NPHP4: variants seen among roughly 807,000 people sequenced by gnomAD.
NPHP4 encodes the protein nephrocystin 4, also known as nephrocystin-4.
NPHP4 carries 151 observed loss-of-function variants against 155.8 expected under a neutral mutation model. The ratio of observed to expected loss-of-function variants is 0.97; its 90% confidence interval spans 0.85 to 1.11. The LOEUF (loss-of-function observed/expected upper bound fraction) is 1.11, where lower values mean the gene tolerates loss of function less well. NPHP4 is among the 50% of genes least tolerant of loss of function. The pLI, the probability that NPHP4 is intolerant of heterozygous loss-of-function variation, is 0.00. For synonymous variants in NPHP4, 845 were observed against 816.8 expected, an observed-to-expected ratio of 1.03 and a Z score of -0.59; for missense variants, 1,956 against 1,925.7, an observed-to-expected ratio of 1.02 and a Z score of -0.29.
intron 10 of NPHP4, among the ~76,000 whole-genome samples, chr1:5,930,608 G>T (rs1262299501): frequency 6.6e-6 from 1 of 151,942 alleles, no homozygotes; most frequent in Non-Finnish European, 1.5e-5. Flanking sequence ...TTGATTTCTA[G>T]TTCAATTCCA....
rs1334644480 is a variant in NPHP4, at chr1:5,872,643, G to C, written c.3315+609C>G. Among the ~76,000 whole-genome samples the C allele has an allele frequency of 2.0e-5, 3 of 152,198 alleles. No homozygotes were observed. In the East Asian group the frequency reaches 5.8e-4, roughly 29 times the overall value. ...CGCCACAGCCTCACAGGACTGCGCTGAACTCTGAATTCTGTCCTCCAGGCA... is the reference window on the plus strand; with the variant it reads ...CGCCACAGCCTCACAGGACTGCGCTCAACTCTGAATTCTGTCCTCCAGGCA... On this transcript the variant is annotated intron_variant, in intron 23 of 29. Coordinates refer to ENST00000378156, the MANE Select transcript of NPHP4 (RefSeq NM_015102.5).
chr1:5,867,641 G>A lies in NPHP4; in HGVS notation c.3472+99C>T. 7.8e-7 allele frequency: 1 copy of A among 1,277,428 alleles called. No individual in the cohort carries two copies. Among genetic ancestry groups the A allele is most frequent in the African/African-American group, 1.5e-5 (1 of 68,850 alleles). 79.1% of individuals were successfully genotyped at this position (1,277,428 alleles called of 1,614,324 possible). On this transcript the variant is annotated intron_variant, in intron 24 of 29. Transcript: ENST00000378156. The surrounding 1 kb of genome is among the most constrained non-coding windows in gnomAD (Gnocchi z 4.1). ...CCCACGTGCTGCTCTGACAGCACCA[G>A]GGCATGAAGCCATGAGGCCATCTGT...
intron 11 of NPHP4, among the ~76,000 whole-genome samples, chr1:5,913,345 C>T (rs1464859104): frequency 6.6e-6 from 1 of 152,062 alleles, no homozygotes; most frequent in African/African-American, 2.4e-5. Flanking sequence ...AGAAATGGTC[C>T]ACATGGATTG....
intron 18 of NPHP4, among the ~76,000 whole-genome samples, chr1:5,884,169 C>T (rs1263744307): frequency 6.6e-6 from 1 of 152,172 alleles, no homozygotes; most frequent in Non-Finnish European, 1.5e-5. Flanking sequence ...ACAGGTTACA[C>T]CCGCACCAAC....
At chr1:5,957,490 T>G (rs1460565974) in intron 6 of NPHP4, among the ~76,000 whole-genome samples, 2 of 151,978 alleles carry the variant, frequency 1.3e-5, no homozygotes, top group Non-Finnish European at 2.9e-5. Context: ...TTCAGCAAAA[T>G]GCACCTCAAA....
At chr1:5,937,985 G>A (rs987923696) in intron 9 of NPHP4, among the ~76,000 whole-genome samples, 11 of 152,260 alleles carry the variant, frequency 7.2e-5, no homozygotes, top group African/African-American at 2.2e-4. Context: ...CTGACCCCTC[G>A]CAGGCACCAT....
chr1:5,907,834 G>A (rs1283575162), intron 12 of NPHP4, among the ~76,000 whole-genome samples: 1 of 152,238 alleles, frequency 6.6e-6, no homozygotes, highest in East Asian at 1.9e-4. Context: ...ACTGTTAGGA[G>A]AATTAAATGA....
intron 9 of NPHP4, among the ~76,000 whole-genome samples, chr1:5,936,948 A>T (rs1162376578): frequency 1.3e-5 from 2 of 152,230 alleles, no homozygotes; most frequent in African/African-American, 2.4e-5. Flanking sequence ...TCCCTGTAGG[A>T]GCAGGGGAGA....
intron 6 of NPHP4, among the ~76,000 whole-genome samples, chr1:5,954,224 T>C (rs1360301276): frequency 6.6e-6 from 1 of 152,172 alleles, no homozygotes; most frequent in African/African-American, 2.4e-5. Context: ...AGCAACCAAA[T>C]GTTCAATAGG....
At chr1:5,931,649 G>A (rs771633043) in intron 10 of NPHP4, among the ~76,000 whole-genome samples, 17 of 147,492 alleles carry the variant, frequency 1.2e-4, no homozygotes, top group South Asian at 2.1e-4. Flanking sequence ...CAGAAGAATC[G>A]CGTGAACCTG....
intron 3 of NPHP4, among the ~76,000 whole-genome samples, chr1:5,976,180 C>T (rs918490888): frequency 3.3e-5 from 5 of 152,160 alleles, no homozygotes; most frequent in African/African-American, 4.8e-5. Flanking sequence ...AGGGCCGTCG[C>T]TCCCACCCCC....
Position 5,979,640 on chromosome 1 carries a change from A to C in NPHP4, c.136-1227T>G, listed in dbSNP as rs1180428329. On this transcript the variant is annotated intron_variant, in intron 2 of 29. Transcript: ENST00000378156. ...CAGGCTCAAGCAATCCTCCTGCCTC[A>C]TCCTGTCAAGTAGCTGGGACCACAG... 2.6e-5 allele frequency among the ~76,000 whole-genome samples: 4 copies of C among 152,086 alleles called. No homozygotes were observed. The East Asian group carries it at 7.7e-4, about 29-fold the overall frequency.
intron 11 of NPHP4, among the ~76,000 whole-genome samples, chr1:5,920,226 C>T (rs753676313): frequency 3.3e-5 from 5 of 152,144 alleles, no homozygotes; most frequent in Non-Finnish European, 2.9e-5. Flanking sequence ...CCACCGCGCC[C>T]GGCCTTAAGT....
chr1:5,936,836 C>G (rs530434322), intron 9 of NPHP4, among the ~76,000 whole-genome samples: 1 of 152,300 alleles, frequency 6.6e-6, no homozygotes, highest in Non-Finnish European at 1.5e-5. Flanking sequence ...GTGGCTGTGG[C>G]TTTGTTGGAA....
intron 2 of NPHP4, among the ~76,000 whole-genome samples, chr1:5,978,894 T>C (rs72859167): frequency 0.02 from 3,101 of 152,330 alleles, 45 homozygotes; most frequent in Middle Eastern, 0.048. Flanking sequence ...TCCAACCAAA[T>C]GAGCCCTTCC....
chr1:5,930,358 T>G (rs1646213136), intron 10 of NPHP4, among the ~76,000 whole-genome samples: 1 of 152,234 alleles, frequency 6.6e-6, no homozygotes, highest in African/African-American at 2.4e-5. Flanking sequence ...TTTACTCTTC[T>G]TTTTCTAGTT....
intron 1 of NPHP4, among the ~76,000 whole-genome samples, chr1:5,991,066 G>T (rs935846111): frequency 6.6e-6 from 1 of 152,144 alleles, no homozygotes; most frequent in Non-Finnish European, 1.5e-5. Flanking sequence ...GAAGGAAGAT[G>T]CAGGGGGTGG....
intron 11 of NPHP4, among the ~76,000 whole-genome samples, chr1:5,924,226 G>A (rs533865500): frequency 2.6e-5 from 4 of 152,292 alleles, no homozygotes; most frequent in African/African-American, 4.8e-5. Flanking sequence ...AGTGAACAGA[G>A]TATCAGCGAG....
At chr1:5,877,729 G>A (rs184504014) in intron 19 of NPHP4, among the ~76,000 whole-genome samples, 7 of 152,190 alleles carry the variant, frequency 4.6e-5, no homozygotes, top group Non-Finnish European at 8.8e-5. Flanking sequence ...CCTTCAGTGA[G>A]TGGGGGGCAG....
Sources: gnomAD v4.1 joint callset for allele counts (sites outside exome capture counted in the v4.1 genomes callset) on GRCh38, gnomAD v4.1.1 for gene constraint, Gnocchi (gnomAD v3.1) non-coding constraint, MANE v1.5 for transcripts, NCBI Gene and HGNC (gene_info 2026-07-23, HGNC 2026-07-21) for gene names.